Variants in TRPM3 observed in about 807,000 individuals in gnomAD.
TRPM3 encodes the protein transient receptor potential cation channel subfamily M member 3.
In TRPM3, 77 loss-of-function variants were observed where a neutral mutation model predicts 181.2. The ratio of observed to expected loss-of-function variants is 0.42; its 90% CI spans 0.35 to 0.51. The LOEUF is 0.51. Among genes scored for constraint, TRPM3 ranks in the 20% least tolerant of loss-of-function variants. The probability of loss-of-function intolerance (pLI) is 0.01; values close to 1 mark genes in which losing one functional copy is unlikely to be tolerated. For synonymous variants in TRPM3, 745 were observed against 796.4 expected, an observed-to-expected ratio of 0.94 and a Z score of 1.09; for missense variants, 1,759 against 2,196.7, an observed-to-expected ratio of 0.80 and a Z score of 3.98.
At chr9:70,834,278 T>G (rs1462138523) in intron 5 of TRPM3, among the ~76,000 whole-genome samples, 4 of 152,174 alleles carry the variant, frequency 2.6e-5, no homozygotes, top group Admixed American at 2.6e-4. Context: ...ATGTGTCCCT[T>G]AAGTTGCACA....
chr9:71,427,893 C>T (rs1202068608), intron 1 of TRPM3, among the ~76,000 whole-genome samples: 2 of 151,972 alleles, frequency 1.3e-5, no homozygotes, highest in East Asian at 1.9e-4. Context: ...AACCTGCACA[C>T]GTACCCCCTG....
At chr9:71,291,095 T>A (rs1487763726) in intron 1 of TRPM3, among the ~76,000 whole-genome samples, 1 of 152,166 alleles carries the variant, frequency 6.6e-6, no homozygotes, top group Non-Finnish European at 1.5e-5. Context: ...ATAAAACTTA[T>A]GTGAGGCCAT....
chr9:71,422,154 A>C (rs1481199939), intron 1 of TRPM3, among the ~76,000 whole-genome samples: 2 of 151,984 alleles, frequency 1.3e-5, no homozygotes, highest in Non-Finnish European at 2.9e-5. Flanking sequence ...AGAATTTAGA[A>C]GGGTAGAAGG....
chr9:71,406,791 C>T (rs1279008494), intron 1 of TRPM3, among the ~76,000 whole-genome samples: 2 of 152,028 alleles, frequency 1.3e-5, no homozygotes, highest in African/African-American at 4.8e-5. Flanking sequence ...GTGGAAGTGA[C>T]AGTATTGCTC....
At chr9:70,866,222 T>C (rs1205402244) in intron 1 of TRPM3, among the ~76,000 whole-genome samples, 1 of 152,076 alleles carries the variant, frequency 6.6e-6, no homozygotes, top group Non-Finnish European at 1.5e-5. Flanking sequence ...AAACCAACTT[T>C]TCCTACACTT....
At chr9:71,189,148 C>T (rs1392409771) in intron 1 of TRPM3, among the ~76,000 whole-genome samples, 4 of 151,808 alleles carry the variant, frequency 2.6e-5, no homozygotes, top group Non-Finnish European at 4.4e-5. Context: ...GGATAAAGAT[C>T]AGCCAGTCCC....
intron 1 of TRPM3, among the ~76,000 whole-genome samples, chr9:71,341,742 C>T (rs2090978266): frequency 6.6e-6 from 1 of 150,898 alleles, no homozygotes; most frequent in African/African-American, 2.4e-5. Context: ...TAGTACATAC[C>T]AATGTTAATT....
chr9:70,648,215 C>T (rs536703457), intron 9 of TRPM3, among the ~76,000 whole-genome samples: 14 of 152,286 alleles, frequency 9.2e-5, no homozygotes, highest in African/African-American at 3.4e-4. Flanking sequence ...TGGCTTATGC[C>T]TGTATTACCA....
intron 6 of TRPM3, among the ~76,000 whole-genome samples, chr9:70,793,980 A>G (rs2086334110): frequency 6.6e-6 from 1 of 152,134 alleles, no homozygotes; most frequent in Non-Finnish European, 1.5e-5. Flanking sequence ...CAAGTTGTGT[A>G]TTAGCTGTGT....
chr9:71,201,455 A>AT (rs762549472), intron 1 of TRPM3, among the ~76,000 whole-genome samples: 10 of 152,202 alleles, frequency 6.6e-5, no homozygotes, highest in Admixed American at 1.3e-4. Flanking sequence ...CCTGGATAAT[A>AT]TCCTGCAGAG....
chr9:70,574,563 T>G (rs1169481392), intron 22 of TRPM3, among the ~76,000 whole-genome samples: 1 of 152,232 alleles, frequency 6.6e-6, no homozygotes, highest in Non-Finnish European at 1.5e-5. Flanking sequence ...GAGCTTATGA[T>G]TAAGTATTTA....
At chr9:70,787,660 T>C (rs1288437101) in intron 6 of TRPM3, among the ~76,000 whole-genome samples, 2 of 152,062 alleles carry the variant, frequency 1.3e-5, no homozygotes, top group Non-Finnish European at 2.9e-5. Context: ...TAGAATATGT[T>C]TGTGAATTTT....
At chr9:70,939,389 GTTAA>G (rs1310939233) in intron 1 of TRPM3, among the ~76,000 whole-genome samples, 1 of 152,124 alleles carries the variant, frequency 6.6e-6, no homozygotes, top group African/African-American at 2.4e-5. Context: ...TCTCATATAT[GTTAA>G]TTATTCAGTA....
intron 21 of TRPM3, among the ~76,000 whole-genome samples, chr9:70,595,834 A>T (rs991496153): frequency 6.6e-6 from 1 of 152,194 alleles, no homozygotes; most frequent in Non-Finnish European, 1.5e-5. Context: ...GGAGTAAGAT[A>T]CACATTTTTT....
In TRPM3 at chr9:70,991,555, G is replaced by GTTTTTTT. The variant is rs56157123; in HGVS notation, c.178-127051_178-127045dup. Among the ~76,000 whole-genome samples the GTTTTTTT allele has an allele frequency of 5.1e-4, 64 of 124,486 alleles. 5 individuals are homozygous for GTTTTTTT. Among genetic ancestry groups the GTTTTTTT allele is most frequent in the East Asian group, 2.5e-3 (10 of 4,034 alleles). 81.7% of individuals were successfully genotyped at this position (124,486 alleles called of 152,430 possible). On this transcript the variant is annotated intron_variant, in intron 1 of 25. Transcript: ENST00000677713. ...GTCTCCTTTGAAATACTATGTGTCT[G>GTTTTTTT]TTTTTTTTTTTTTTTTTTGAGTACT... is the stretch of plus-strand genomic sequence containing the variant.
chr9:70,878,050 A>G (rs1609625), intron 1 of TRPM3, among the ~76,000 whole-genome samples: 23,863 of 151,882 alleles, frequency 0.16, 2,217 homozygotes, highest in African/African-American at 0.25. Flanking sequence ...TACTGACTTG[A>G]CTTGAGGCCA....
intron 1 of TRPM3, among the ~76,000 whole-genome samples, chr9:71,292,953 C>T (rs773729840): frequency 7.9e-5 from 12 of 151,866 alleles, no homozygotes; most frequent in South Asian, 2.1e-4. Flanking sequence ...TACAAAATGA[C>T]GAAATTGTGT....
intron 1 of TRPM3, among the ~76,000 whole-genome samples, chr9:71,163,223 A>C (rs560762023): frequency 6.6e-6 from 1 of 152,224 alleles, no homozygotes; most frequent in South Asian, 2.1e-4. Flanking sequence ...AAGTGGTGAG[A>C]TTGCAAAGAA....
At chr9:71,210,644 T>C (rs1477658619) in intron 1 of TRPM3, among the ~76,000 whole-genome samples, 2 of 152,206 alleles carry the variant, frequency 1.3e-5, no homozygotes, top group African/African-American at 4.8e-5. Context: ...AAGAGTAGGA[T>C]ACAGTTGCCC....
Sources: allele counts gnomAD v4.1 joint callset (sites outside exome capture counted in the v4.1 genomes callset), GRCh38; gene constraint gnomAD v4.1.1; transcripts MANE v1.5; gene names NCBI Gene and HGNC (gene_info 2026-07-23, HGNC 2026-07-21).